Variants in TUSC3 observed in about 807,000 individuals in gnomAD.
The protein encoded by TUSC3 is tumor suppressor candidate 3.
A neutral mutation model predicts 44.8 loss-of-function variants in TUSC3; 45 were observed. That is an observed-to-expected ratio of 1.00 (90% CI 0.79 to 1.29). The LOEUF is 1.29. TUSC3 is among the 50% of genes most tolerant of loss of function. The pLI, the probability that TUSC3 is intolerant of heterozygous loss-of-function variation, is 0.00. For missense variants in TUSC3, 519 were observed against 437.9 expected (o/e 1.19, Z -1.65); for synonymous variants, 212 against 152.9 (o/e 1.39, Z -2.85).
intron 7 of TUSC3, chr8:15,733,457 TGAAGG>T (rs1585279926): frequency 5.5e-6 from 2 of 363,764 alleles, no homozygotes; most frequent in Non-Finnish European, 1.1e-5. Context: ...AATACCGAGC[TGAAGG>T]ATGAAAAGCT....
chr8:15,831,145 G>A, the TUSC3 span, among the ~76,000 whole-genome samples: 1 of 152,122 alleles, frequency 6.6e-6, no homozygotes, highest in African/African-American at 2.4e-5. Context: ...CGCAAAACAA[G>A]TCCCCCAGAA....
intron 2 of TUSC3, among the ~76,000 whole-genome samples, chr8:15,529,606 T>C (rs891296966): frequency 6.6e-6 from 1 of 151,996 alleles, no homozygotes; most frequent in African/African-American, 2.4e-5. Context: ...AATACTAACA[T>C]TACTTAGATG....
chr8:15,490,597 G>T (rs1436204530), intron 2 of TUSC3, among the ~76,000 whole-genome samples: 2 of 152,202 alleles, frequency 1.3e-5, no homozygotes, highest in Non-Finnish European at 2.9e-5. Flanking sequence ...GACACAAAGT[G>T]TGCAGCTGCC....
At position 15,437,669 on chromosome 8, in the gene TUSC3, G is replaced by A. The variant is rs149283671; in HGVS notation, n.91+20364G>A. 3.8e-3 allele frequency among the ~76,000 whole-genome samples: 585 copies of A among 152,248 alleles called. 2 individuals are homozygous for A. Among genetic ancestry groups the A allele is most frequent in the Middle Eastern group, 0.014 (4 of 292 alleles). ...ATATGTATAACTAAAAGTAGGACTC[G>A]CTTTGAAATAACAGAGGCAACACTT... On this transcript the variant is annotated intron_variant and non_coding_transcript_variant, in intron 1 of 5. Transcript: ENST00000503191.
At chr8:15,704,992 A>G (rs997106357) in intron 6 of TUSC3, among the ~76,000 whole-genome samples, 1 of 151,420 alleles carries the variant, frequency 6.6e-6, no homozygotes, top group Non-Finnish European at 1.5e-5. Flanking sequence ...TTGTTATATA[A>G]CTTACTAGGT....
At chr8:15,681,218 C>CTT (rs71211068) in intron 6 of TUSC3, among the ~76,000 whole-genome samples, 34 of 147,336 alleles carry the variant, frequency 2.3e-4, no homozygotes, top group African/African-American at 4.5e-4. Flanking sequence ...TTCCGTCCTC[C>CTT]TTTTTTTTTG....
chr8:15,458,609 G>A (rs1007723171), intron 1 of TUSC3, among the ~76,000 whole-genome samples: 1 of 152,162 alleles, frequency 6.6e-6, no homozygotes, highest in Non-Finnish European at 1.5e-5. Flanking sequence ...CGATGAATGT[G>A]TTATGTACCA....
intron 7 of TUSC3, among the ~76,000 whole-genome samples, chr8:15,742,390 C>G (rs530554598): frequency 6.6e-6 from 1 of 152,216 alleles, no homozygotes; most frequent in African/African-American, 2.4e-5. Context: ...CTAGAGAAGT[C>G]AGGCATTTAT....
intron 1 of TUSC3, among the ~76,000 whole-genome samples, chr8:15,477,456 C>T (rs1477006267): frequency 1.3e-5 from 2 of 152,164 alleles, no homozygotes; most frequent in Non-Finnish European, 2.9e-5. Context: ...TTATAGTGTG[C>T]TCACGCCTGT....
chr8:15,581,676 C>T (rs1181950715), intron 1 of TUSC3, among the ~76,000 whole-genome samples: 2 of 148,502 alleles, frequency 1.3e-5, no homozygotes, highest in Admixed American at 6.7e-5. Context: ...TCTGCCCGTT[C>T]TCAGATCTCC....
intron 1 of TUSC3, among the ~76,000 whole-genome samples, chr8:15,559,159 T>C (rs1288983305): frequency 7.0e-6 from 1 of 143,854 alleles, no homozygotes. Flanking sequence ...AATTTCCCTC[T>C]ACACACTGCT....
In TUSC3 at chr8:15,468,750, T is replaced by C. The variant is rs530855999; in HGVS notation, n.92-14636T>C. 2.0e-5 allele frequency among the ~76,000 whole-genome samples: 3 copies of C among 152,180 alleles called. No individual in the cohort carries two copies. In the East Asian group the frequency reaches 5.8e-4, roughly 29 times the overall value. The stretch of plus-strand genomic sequence containing the variant: ...TCACAACAGATATGAAAACATTCTT[T>C]ATATTAGAAGTGATGCTTTCAGGAG... On this transcript the variant is annotated intron_variant and non_coding_transcript_variant, in intron 1 of 5. Coordinates refer to the TUSC3 transcript ENST00000503191.
chr8:15,453,898 C>A (rs115964749), intron 1 of TUSC3, among the ~76,000 whole-genome samples: 2,440 of 152,288 alleles, frequency 0.016, 67 homozygotes, highest in African/African-American at 0.054. Context: ...ACACCTGAAA[C>A]TGGTGATCAC....
At chr8:15,788,411 G>A in the TUSC3 span, among the ~76,000 whole-genome samples, 2 of 152,162 alleles carry the variant, frequency 1.3e-5, no homozygotes, top group South Asian at 2.1e-4. Flanking sequence ...GCCGGGCTTG[G>A]TGGCAGGCAC....
intron 6 of TUSC3, among the ~76,000 whole-genome samples, chr8:15,714,170 A>G (rs1004221258): frequency 5.3e-5 from 8 of 152,178 alleles, no homozygotes; most frequent in African/African-American, 9.6e-5. Context: ...TGCATTATAT[A>G]ACTTAAAATG....
chr8:15,642,858 C>G (rs1179838090), intron 2 of TUSC3, among the ~76,000 whole-genome samples: 1 of 152,070 alleles, frequency 6.6e-6, no homozygotes, highest in Non-Finnish European at 1.5e-5. Flanking sequence ...TATGTCTTAC[C>G]TCTTCCAAAC....
intron 1 of TUSC3, among the ~76,000 whole-genome samples, chr8:15,440,642 T>C (rs1350549162): frequency 6.6e-6 from 1 of 152,156 alleles, no homozygotes; most frequent in Non-Finnish European, 1.5e-5. Context: ...ATTGATTGCA[T>C]TTTTCCTCTA....
intron 1 of TUSC3, among the ~76,000 whole-genome samples, chr8:15,476,696 C>G (rs192296270): frequency 6.6e-6 from 1 of 152,176 alleles, no homozygotes; most frequent in Non-Finnish European, 1.5e-5. Flanking sequence ...AAGTACCCTC[C>G]ACAGGGTGGG....
At chr8:15,557,940 T>A (rs1802324453) in intron 1 of TUSC3, among the ~76,000 whole-genome samples, 1 of 72,186 alleles carries the variant, frequency 1.4e-5, no homozygotes, top group Non-Finnish European at 2.9e-5. Context: ...TACAATCATG[T>A]CGTCTGCAAA....
Sources: allele counts gnomAD v4.1 joint callset (sites outside exome capture counted in the v4.1 genomes callset), GRCh38; gene constraint gnomAD v4.1.1; transcripts MANE v1.5; gene names NCBI Gene and HGNC (gene_info 2026-07-23, HGNC 2026-07-21).